The following SEM1 variants were observed in gnomAD, a reference collection of about 807,000 sequenced individuals.
The protein encoded by SEM1 is SEM1 26S proteasome subunit, also known as 26S proteasome complex subunit SEM1.
In SEM1, 3 loss-of-function variants were observed where a neutral mutation model predicts 12.7. The observed-to-expected ratio is 0.24, with a 90% CI of 0.11 to 0.61. The LOEUF (loss-of-function observed/expected upper bound fraction) is 0.61. Among genes scored for constraint, SEM1 ranks in the 20% least tolerant of loss-of-function variants. The pLI is 0.88. For synonymous variants in SEM1, 30 were observed against 27.8 expected (o/e 1.08, Z -0.25); for missense variants, 59 against 81.3 (o/e 0.73, Z 1.06).
At position 96,632,561 on chromosome 7, in the gene SEM1, C is replaced by T. The variant is rs184901456; in HGVS notation, c.171-9918G>A. Among the ~76,000 whole-genome samples the T allele has an allele frequency of 5.2e-3, 794 of 151,716 alleles. 8 individuals are homozygous for T. Among genetic ancestry groups the T allele is most frequent in the Non-Finnish European group, 6.4e-3 (434 of 67,908 alleles). Reference sequence around the variant, plus strand: ...CACACTGGGGCCTGTCAGGGGGTGGCGGACTAGGGGAGGGATAGCATTAGG... The same window carrying T: ...CACACTGGGGCCTGTCAGGGGGTGGTGGACTAGGGGAGGGATAGCATTAGG... On this transcript the variant is annotated intron_variant, in intron 2 of 2. Transcript: ENST00000417009.
intron 2 of SEM1, among the ~76,000 whole-genome samples, chr7:96,656,194 T>C (rs1184838399): frequency 1.3e-5 from 2 of 152,196 alleles, no homozygotes; most frequent in East Asian, 1.9e-4. Context: ...GCATCTGCTG[T>C]ACACACAAGA....
chr7:96,567,636 G>A (rs1312079811), intron 2 of SEM1, among the ~76,000 whole-genome samples: 1 of 151,418 alleles, frequency 6.6e-6, no homozygotes, highest in African/African-American at 2.4e-5. Flanking sequence ...GGTTTTGGCT[G>A]TCAATTAGAT....
chr7:96,709,610 C>T (rs2116097459), intron 1 of SEM1, 78 bp downstream of exon 1: 2 of 1,403,390 alleles, frequency 1.4e-6, no homozygotes, highest in South Asian at 1.2e-5. Context: ...CCCAGCTGGG[C>T]CCGAGCACCC....
chr7:96,703,773 A>G (rs1333472801), intron 1 of SEM1, among the ~76,000 whole-genome samples: 2 of 152,098 alleles, frequency 1.3e-5, no homozygotes, highest in African/African-American at 4.8e-5. Flanking sequence ...TAACGAGACC[A>G]AATCTCCACA....
chr7:96,655,650 C>T (rs1182567351), intron 2 of SEM1, among the ~76,000 whole-genome samples: 1 of 152,042 alleles, frequency 6.6e-6, no homozygotes, highest in Non-Finnish European at 1.5e-5. Context: ...GAACTAACAC[C>T]ATTATCATGA....
chr7:96,570,944 A>C (rs1469646917), intron 2 of SEM1, among the ~76,000 whole-genome samples: 1 of 149,956 alleles, frequency 6.7e-6, no homozygotes, highest in African/African-American at 2.4e-5. Context: ...GCATTTCTCT[A>C]ATGACCAGTG....
Position 96,493,422 on chromosome 7 carries a change from T to G in SEM1, c.12+2862A>C, listed in dbSNP as rs1394359664. ...CCAAGCTTGAGATCAAGATGTCACCTTGGACAATTTACCAGTGCCCTTCTC... is the reference window on the plus strand; with the variant it reads ...CCAAGCTTGAGATCAAGATGTCACCGTGGACAATTTACCAGTGCCCTTCTC... On this transcript the variant is annotated intron_variant, in intron 1 of 3. Coordinates refer to the SEM1 transcript ENST00000356686. 2.0e-5 allele frequency among the ~76,000 whole-genome samples: 3 copies of G among 152,184 alleles called. No homozygotes were observed. In the East Asian group the frequency reaches 5.8e-4, roughly 29 times the overall value.
chr7:96,658,158 T>G (rs977430345), intron 2 of SEM1, among the ~76,000 whole-genome samples: 1 of 152,102 alleles, frequency 6.6e-6, no homozygotes, highest in Admixed American at 6.5e-5. Flanking sequence ...GGATGTGTGA[T>G]TCAGTGGCCT....
At chr7:96,693,778 GTGTGTGTGTGTGTATA>G (rs1441162390) in intron 2 of SEM1, among the ~76,000 whole-genome samples, 4 of 149,352 alleles carry the variant, frequency 2.7e-5, no homozygotes, top group Admixed American at 6.7e-5. Flanking sequence ...GTGTGTGTGT[GTGTGTGTGTGTGTATA>G]TATATATATA....
In SEM1 at chr7:96,538,740, C is replaced by G. The variant is rs886081001; in HGVS notation, c.171-32042G>C. Among the ~76,000 whole-genome samples, 10 of 151,760 alleles carry G rather than the reference C, an allele frequency of 6.6e-5. No homozygotes were observed. In the East Asian group the frequency reaches 1.5e-3, roughly 23 times the overall value. On this transcript the variant is annotated intron_variant and NMD_transcript_variant, in intron 2 of 3. Coordinates refer to the SEM1 transcript ENST00000466986. Reference sequence around the variant, plus strand: ...AACTTCAGAAAAATATAGCTCTACCCTCTGCTCTCACTTCCCCCTTTTGGT... The same window carrying G: ...AACTTCAGAAAAATATAGCTCTACCGTCTGCTCTCACTTCCCCCTTTTGGT...
chr7:96,489,418 C>A (rs1802911700), intron 1 of SEM1, among the ~76,000 whole-genome samples: 1 of 152,060 alleles, frequency 6.6e-6, no homozygotes, highest in African/African-American at 2.4e-5. Flanking sequence ...GTAATAAGTT[C>A]CCAGTTGATG....
At chr7:96,612,690 C>G (rs1807576181) in intron 2 of SEM1, among the ~76,000 whole-genome samples, 1 of 152,164 alleles carries the variant, frequency 6.6e-6, no homozygotes, top group Non-Finnish European at 1.5e-5. Flanking sequence ...GGCTGGAGTG[C>G]AGTGGCGCAA....
intron 2 of SEM1, among the ~76,000 whole-genome samples, chr7:96,674,390 A>C (rs1174359376): frequency 6.6e-6 from 1 of 152,144 alleles, no homozygotes; most frequent in Non-Finnish European, 1.5e-5. Flanking sequence ...GCGGTGGCTC[A>C]CACCTGTAAT....
chr7:96,524,409 T>C (rs1804382148), intron 2 of SEM1, among the ~76,000 whole-genome samples: 1 of 152,162 alleles, frequency 6.6e-6, no homozygotes, highest in Non-Finnish European at 1.5e-5. Flanking sequence ...TTGTAGCTAG[T>C]AAGACTGAGG....
intron 1 of SEM1, among the ~76,000 whole-genome samples, chr7:96,702,605 G>C (rs1466733583): frequency 6.6e-6 from 1 of 152,146 alleles, no homozygotes; most frequent in East Asian, 1.9e-4. Flanking sequence ...AGTCCACACT[G>C]CTATACATTT....
chr7:96,645,407 A>G (rs1808753683), intron 2 of SEM1: 1 of 187,722 alleles, frequency 5.3e-6, no homozygotes, highest in African/African-American at 2.3e-5. Flanking sequence ...AACCCCAGAC[A>G]AAGTAGGTCA....
intron 2 of SEM1, among the ~76,000 whole-genome samples, chr7:96,542,264 T>C (rs1804980143): frequency 6.6e-6 from 1 of 151,938 alleles, no homozygotes; most frequent in East Asian, 1.9e-4. Flanking sequence ...ATTTGTGTCA[T>C]CTATGATTCC....
intron 2 of SEM1, among the ~76,000 whole-genome samples, chr7:96,681,975 C>T (rs2115714673): frequency 6.6e-6 from 1 of 152,136 alleles, no homozygotes; most frequent in East Asian, 1.9e-4. Flanking sequence ...TTACTTTGGG[C>T]AGTATGGCCA....
intron 2 of SEM1, among the ~76,000 whole-genome samples, chr7:96,599,707 C>T (rs1346135533): frequency 2.0e-5 from 3 of 152,168 alleles, no homozygotes; most frequent in Non-Finnish European, 4.4e-5. Flanking sequence ...CCTTCCTGCC[C>T]TTCTGACCCA....
Sources: allele counts gnomAD v4.1 joint callset (sites outside exome capture counted in the v4.1 genomes callset), GRCh38; gene constraint gnomAD v4.1.1; transcripts MANE v1.5; gene names NCBI Gene and HGNC (gene_info 2026-07-23, HGNC 2026-07-21).